Variants in CREB5 observed in about 807,000 individuals in gnomAD.
The protein encoded by CREB5 is cAMP responsive element binding protein 5, also known as cyclic AMP-responsive element-binding protein 5.
Under a neutral mutation model 57.1 loss-of-function variants are expected in CREB5, and 19 were observed. The observed-to-expected ratio is 0.33, with a 90% CI of 0.23 to 0.49. The LOEUF is 0.49. CREB5 is among the 20% of genes least tolerant of loss of function. CREB5 has a pLI of 0.99. For synonymous variants in CREB5, 238 were observed against 238.3 expected (o/e 1.00, Z 0.01); for missense variants, 579 against 671.6 (o/e 0.86, Z 1.52).
chr7:28,306,710 G>A (rs1269475953), intron 1 of CREB5, among the ~76,000 whole-genome samples: 3 of 151,886 alleles, frequency 2.0e-5, no homozygotes, highest in East Asian at 3.9e-4. Flanking sequence ...ACAGGCGCCC[G>A]CCACTATGCC....
At chr7:28,444,496 A>G (rs1789339097) in intron 1 of CREB5, among the ~76,000 whole-genome samples, 1 of 152,188 alleles carries the variant, frequency 6.6e-6, no homozygotes, top group Non-Finnish European at 1.5e-5. Context: ...TGTCGTGGGG[A>G]AACAAAGTGA....
intron 1 of CREB5, among the ~76,000 whole-genome samples, chr7:28,375,316 A>G (rs1481441326): frequency 2.0e-5 from 3 of 152,192 alleles, no homozygotes; most frequent in African/African-American, 7.2e-5. Context: ...AATCAAAACA[A>G]TTGAACCCAT....
chr7:28,468,094 T>A (rs1462981134), intron 1 of CREB5, among the ~76,000 whole-genome samples: 1 of 152,138 alleles, frequency 6.6e-6, no homozygotes, highest in East Asian at 1.9e-4. Flanking sequence ...CATTAGTTGC[T>A]GAGTGGTAAG....
chr7:28,504,444 A>T (rs114289030), intron 3 of CREB5, among the ~76,000 whole-genome samples: 1,729 of 152,260 alleles, frequency 0.011, 21 homozygotes, highest in African/African-American at 0.039. Context: ...TATTGATAGG[A>T]GGCCCTTGGG....
chr7:28,610,763 G>A (rs1046198526), intron 5 of CREB5, among the ~76,000 whole-genome samples: 1 of 152,206 alleles, frequency 6.6e-6, no homozygotes, highest in Non-Finnish European at 1.5e-5. Flanking sequence ...GGAAGGTCCA[G>A]GAAGTGGCCT....
At chr7:28,586,712 C>A (rs1308088147) in intron 5 of CREB5, among the ~76,000 whole-genome samples, 4 of 152,166 alleles carry the variant, frequency 2.6e-5, no homozygotes, top group Non-Finnish European at 4.4e-5. Context: ...AAACTAAATA[C>A]AAAACAAGTT....
chr7:28,790,231 T>C lies in CREB5; in HGVS notation c.703-13968T>C, dbSNP rs147126419. On this transcript the variant is annotated intron_variant, in intron 7 of 10. Coordinates refer to ENST00000357727, the MANE Select transcript of CREB5 (RefSeq NM_182898.4). The stretch of plus-strand genomic sequence containing the variant: ...AAATAATACAAATCAATTCAGTTCA[T>C]TTAAAAAATAGTCCTACTCATAGCA... 2.5e-3 allele frequency among the ~76,000 whole-genome samples: 387 copies of C among 152,318 alleles called. 2 individuals are homozygous for C. The highest frequency in any genetic ancestry group is 8.9e-3 in the African/African-American group (368 of 41,576).
Position 28,804,489 on chromosome 7 carries a change from A to G in CREB5, c.993A>G (p.Pro331=). Residue 331 remains proline, a synonymous_variant, in exon 8 of 11, where the codon CCA becomes CCG. Transcript: ENST00000357727. ...HAHPAHHQTS[P]HPPLHTGNQA... ...ACCCAGCACATCACCAGACCTCGCC[A>G]CATCCGCCCCTGCACACCGGCAACC... 6.2e-7 allele frequency: 1 copy of G among 1,614,088 alleles called. No individual in the cohort carries two copies. The highest frequency in any genetic ancestry group is 8.5e-7 in the Non-Finnish European group (1 of 1,179,964).
chr7:28,547,626 T>A (rs1205624997), intron 4 of CREB5, among the ~76,000 whole-genome samples: 1 of 152,204 alleles, frequency 6.6e-6, no homozygotes. Flanking sequence ...CACAGCAATG[T>A]CTTGACTTGT....
At chr7:28,655,413 C>A (rs981785760) in intron 5 of CREB5, among the ~76,000 whole-genome samples, 3 of 152,066 alleles carry the variant, frequency 2.0e-5, no homozygotes, top group Non-Finnish European at 2.9e-5. Context: ...TCAACACCAG[C>A]TTGGGCTGTG....
chr7:28,724,455 G>T, intron 7 of CREB5, 123 bp downstream of exon 7: 1 of 757,010 alleles, frequency 1.3e-6, no homozygotes, highest in Non-Finnish European at 2.2e-6. Flanking sequence ...TGAATGAAAG[G>T]CAGTGCAGAG....
At chr7:28,624,246 C>G (rs774159821) in intron 5 of CREB5, among the ~76,000 whole-genome samples, 1 of 152,118 alleles carries the variant, frequency 6.6e-6, no homozygotes, top group Non-Finnish European at 1.5e-5. Context: ...AAGAATCAAG[C>G]GTTTACTATT....
chr7:28,434,652 C>T lies in CREB5; in HGVS notation c.3+21735C>T, dbSNP rs939486990. On this transcript the variant is annotated intron_variant, in intron 1 of 10. Coordinates refer to ENST00000357727, the MANE Select transcript of CREB5 (RefSeq NM_182898.4). Reference sequence around the variant, plus strand: ...AAACCACATTAACTACTTTTTCCTTCAATGTGAGTCATATAGTCTGAGGTG... The same window carrying T: ...AAACCACATTAACTACTTTTTCCTTTAATGTGAGTCATATAGTCTGAGGTG... Among the ~76,000 whole-genome samples, 6 of 152,266 alleles carry T rather than the reference C, an allele frequency of 3.9e-5. No homozygotes were observed. The East Asian group carries it at 1.2e-3, about 29-fold the overall frequency.
intron 1 of CREB5, among the ~76,000 whole-genome samples, chr7:28,450,394 T>A (rs73297174): frequency 7.2e-5 from 11 of 152,364 alleles, no homozygotes; most frequent in African/African-American, 2.6e-4. Context: ...TAAAGCGTGA[T>A]ACCTGCTGTT....
At chr7:28,722,001 C>A (rs1198061309) in intron 6 of CREB5, among the ~76,000 whole-genome samples, 1 of 152,228 alleles carries the variant, frequency 6.6e-6, no homozygotes, top group Admixed American at 6.5e-5. Context: ...TTCTAATCAA[C>A]TCATTGAAGT....
chr7:28,673,717 G>A (rs1192276493), intron 5 of CREB5, among the ~76,000 whole-genome samples: 1 of 137,492 alleles, frequency 7.3e-6, no homozygotes, highest in Admixed American at 7.9e-5. Context: ...CTGCCACCCA[G>A]GCGGGAGTGC....
intron 4 of CREB5, among the ~76,000 whole-genome samples, chr7:28,521,681 G>A (rs112812572): frequency 4.2e-4 from 64 of 152,282 alleles, no homozygotes; most frequent in African/African-American, 1.4e-3. Context: ...GGGAAGTCAT[G>A]TATATGCCAA....
At chr7:28,551,402 G>A (rs1009232663) in intron 4 of CREB5, among the ~76,000 whole-genome samples, 5 of 151,724 alleles carry the variant, frequency 3.3e-5, no homozygotes, top group East Asian at 3.9e-4. Flanking sequence ...TCTGATGTCC[G>A]CCCACCCCTA....
intron 5 of CREB5, among the ~76,000 whole-genome samples, chr7:28,599,379 C>T (rs1004913010): frequency 6.6e-6 from 1 of 152,138 alleles, no homozygotes; most frequent in African/African-American, 2.4e-5. Context: ...AATACATATA[C>T]TTGGATTTTA....
Sources: gnomAD v4.1 joint callset for allele counts (sites outside exome capture counted in the v4.1 genomes callset) on GRCh38, gnomAD v4.1.1 for gene constraint, MANE v1.5 for transcripts, NCBI Gene and HGNC (gene_info 2026-07-23, HGNC 2026-07-21) for gene names.